The following NUMB variants were observed in gnomAD, a reference collection of about 807,000 sequenced individuals.
The protein encoded by NUMB is protein numb homolog.
A neutral mutation model predicts 59.7 loss-of-function variants in NUMB; 29 were observed. That is an observed-to-expected ratio of 0.49 (90% CI 0.36 to 0.66). The LOEUF (loss-of-function observed/expected upper bound fraction) is 0.66, where lower values mean the gene tolerates loss of function less well. Ranked by LOEUF, NUMB falls within the 30% of genes least tolerant of loss-of-function variation. The pLI is 0.00. For synonymous variants in NUMB, 288 were observed against 288.2 expected, an observed-to-expected ratio of 1.00 and a Z score of 0.01; for missense variants, 723 against 822.0, an observed-to-expected ratio of 0.88 and a Z score of 1.47.
chr14:73,315,022 A>G (rs1594896084), intron 6 of NUMB, among the ~76,000 whole-genome samples: 1 of 152,278 alleles, frequency 6.6e-6, no homozygotes, highest in East Asian at 1.9e-4. Context: ...CAAAATGTCT[A>G]TTAAAAAATG....
chr14:73,367,915 T>G lies in NUMB; in HGVS notation c.-100-934A>C, dbSNP rs543319434. 2.0e-5 allele frequency among the ~76,000 whole-genome samples: 3 copies of G among 152,194 alleles called. No homozygotes were observed. The South Asian group carries it at 6.2e-4, about 32-fold the overall frequency. On this transcript the variant is annotated intron_variant, in intron 2 of 12. Coordinates refer to ENST00000555238, the MANE Select transcript of NUMB (RefSeq NM_001005743.2). ...AGATCACTGGAATATAAGGGAAACT[T>G]CTTCAAAACACTCTAGAGAATCTCC...
At chr14:73,383,729 TG>T (rs1440306905) in intron 2 of NUMB, among the ~76,000 whole-genome samples, 1 of 151,948 alleles carries the variant, frequency 6.6e-6, no homozygotes, top group Admixed American at 6.6e-5. Flanking sequence ...ATAAAAACAA[TG>T]GGGGGCTGGG....
In NUMB at chr14:73,355,727, T is replaced by G; in HGVS notation, c.25A>C (p.Arg9=). ...GGAACATAAACATCCTTCTTTCTCC[T>G]AAAACTTTGCCGTAATTTGTTCATT... MNKLRQSF[R]RKKDVYVPEA... The change falls in exon 4 of 13, where the codon AGG becomes CGG. Residue 9 remains arginine, a synonymous_variant. Coordinates refer to ENST00000555238, the MANE Select transcript of NUMB (RefSeq NM_001005743.2). 6.2e-7 allele frequency: 1 copy of G among 1,612,952 alleles called. No individual in the cohort carries two copies. The highest frequency in any genetic ancestry group is 8.5e-7 in the Non-Finnish European group (1 of 1,179,174).
At chr14:73,373,568 T>C (rs1056201452) in intron 2 of NUMB, among the ~76,000 whole-genome samples, 7 of 152,116 alleles carry the variant, frequency 4.6e-5, no homozygotes, top group African/African-American at 9.7e-5. Context: ...GTAAATTATA[T>C]AGCTAGTTAT....
At chr14:73,442,537 A>G (rs2140189898) in intron 1 of NUMB, among the ~76,000 whole-genome samples, 1 of 152,346 alleles carries the variant, frequency 6.6e-6, no homozygotes, top group African/African-American at 2.4e-5. Context: ...AATTTTTTAA[A>G]TTGCAATATA....
intron 7 of NUMB, 37 bp from the exon 8 acceptor site, chr14:73,292,911 T>TA: frequency 6.2e-7 from 1 of 1,604,300 alleles, no homozygotes; most frequent in Non-Finnish European, 8.5e-7. Flanking sequence ...AGAAGACTTA[T>TA]GAGGTTATCT....
chr14:73,377,700 C>T (rs955333187), intron 2 of NUMB, among the ~76,000 whole-genome samples: 1 of 151,722 alleles, frequency 6.6e-6, no homozygotes, highest in South Asian at 2.1e-4. Context: ...GGCATGGTGG[C>T]TCACGCCTGT....
chr14:73,410,385 C>A (rs1896846265), intron 1 of NUMB, among the ~76,000 whole-genome samples: 1 of 152,156 alleles, frequency 6.6e-6, no homozygotes, highest in South Asian at 2.1e-4. Context: ...GGAACCAGAT[C>A]AAAATTTTGG....
chr14:73,304,747 T>A (rs1233997781), intron 6 of NUMB, among the ~76,000 whole-genome samples: 1 of 151,922 alleles, frequency 6.6e-6, no homozygotes, highest in Non-Finnish European at 1.5e-5. Flanking sequence ...TGAGTTGGAG[T>A]TGGAGGAATG....
chr14:73,315,610 C>T (rs898000334), intron 6 of NUMB, among the ~76,000 whole-genome samples: 2 of 151,968 alleles, frequency 1.3e-5, no homozygotes, highest in African/African-American at 4.8e-5. Flanking sequence ...ATAGCAGGAT[C>T]CCTAAAGGTA....
rs1374519012 is a variant in NUMB at position 73,352,532 on chromosome 14, T to TG, written c.126+3093_126+3094insC. Among the ~76,000 whole-genome samples the TG allele has an allele frequency of 5.3e-3, 324 of 60,680 alleles. 25 individuals carry two copies. Among genetic ancestry groups the TG allele is most frequent in the African/African-American group, 0.016 (287 of 18,164 alleles). The allele number at this position is 60,680 out of a possible 152,430, so 39.8% of individuals were successfully genotyped here. A position where few individuals can be genotyped will look rare whatever the true frequency, so the allele number is the denominator to read the frequency against. On this transcript the variant is annotated intron_variant, in intron 4 of 12. Coordinates refer to ENST00000555238, the MANE Select transcript of NUMB (RefSeq NM_001005743.2). Reference sequence around the variant, plus strand: ...TATATATATATATATATATATATGTTTTTTTTTTTTTTTTTTTTTTGAGAC... The same window carrying TG: ...TATATATATATATATATATATATGTTGTTTTTTTTTTTTTTTTTTTTGAGAC...
intron 1 of NUMB, among the ~76,000 whole-genome samples, chr14:73,437,148 T>C (rs1366028440): frequency 6.8e-6 from 1 of 146,418 alleles, no homozygotes; most frequent in Non-Finnish European, 1.5e-5. Flanking sequence ...TGGGCTCAAG[T>C]GATCCTCCCA....
intron 2 of NUMB, among the ~76,000 whole-genome samples, chr14:73,398,413 AGAGTGTGT>A (rs1369250890): frequency 8.8e-4 from 104 of 117,768 alleles, no homozygotes; most frequent in Non-Finnish European, 1.3e-3. Context: ...AGAGAGAGAG[AGAGTGTGT>A]GTGTGTGTGT....
chr14:73,380,212 C>G (rs1895162013), intron 2 of NUMB, among the ~76,000 whole-genome samples: 1 of 152,092 alleles, frequency 6.6e-6, no homozygotes, highest in African/African-American at 2.4e-5. Context: ...GACCTCTGCA[C>G]ATGGTAGGAT....
intron 1 of NUMB, among the ~76,000 whole-genome samples, chr14:73,439,684 G>GAA (rs1566797872): frequency 6.6e-6 from 1 of 151,976 alleles, no homozygotes; most frequent in Admixed American, 6.6e-5. Flanking sequence ...TCTTCCTTCA[G>GAA]AAAAAGGCTA....
At chr14:73,329,255 T>C (rs927634883) in intron 4 of NUMB, among the ~76,000 whole-genome samples, 2 of 152,182 alleles carry the variant, frequency 1.3e-5, no homozygotes, top group African/African-American at 4.8e-5. Context: ...GTTTTTGGTA[T>C]TATAGCTAAG....
intron 3 of NUMB, among the ~76,000 whole-genome samples, chr14:73,362,012 T>C (rs916986129): frequency 2.0e-5 from 3 of 152,162 alleles, no homozygotes; most frequent in African/African-American, 4.8e-5. Context: ...ATCCCCACAC[T>C]TTGGGAAGCC....
At chr14:73,419,227 A>C (rs1897252357) in intron 1 of NUMB, among the ~76,000 whole-genome samples, 1 of 152,168 alleles carries the variant, frequency 6.6e-6, no homozygotes, top group Non-Finnish European at 1.5e-5. Flanking sequence ...AAATCTCAAG[A>C]GGGCTGGGCG....
intron 2 of NUMB, among the ~76,000 whole-genome samples, chr14:73,384,660 G>A (rs1026634445): frequency 1.3e-5 from 2 of 152,076 alleles, no homozygotes; most frequent in Admixed American, 6.5e-5. Context: ...CTCTGCCTCC[G>A]AGGCTCAAAC....
Sources: allele counts gnomAD v4.1 joint callset (sites outside exome capture counted in the v4.1 genomes callset), GRCh38; gene constraint gnomAD v4.1.1; transcripts MANE v1.5; gene names NCBI Gene and HGNC (gene_info 2026-07-23, HGNC 2026-07-21).